The following DAGLA variants were observed in gnomAD, a reference collection of about 807,000 sequenced individuals.
DAGLA encodes the protein diacylglycerol lipase alpha.
A neutral mutation model predicts 102.6 loss-of-function variants in DAGLA; 22 were observed. The ratio of observed to expected loss-of-function variants is 0.21; its 90% CI spans 0.15 to 0.31. DAGLA has a LOEUF of 0.31. Ranked by LOEUF, DAGLA falls within the 10% of genes least tolerant of loss-of-function variation. The probability of loss-of-function intolerance (pLI) is 1.00; values close to 1 mark genes in which losing one functional copy is unlikely to be tolerated. For synonymous variants in DAGLA, 578 were observed against 628.9 expected (o/e 0.92, Z 1.21); for missense variants, 927 against 1,446.6 (o/e 0.64, Z 5.83).
intron 1 of DAGLA, among the ~76,000 whole-genome samples, chr11:61,685,552 TG>T (rs1443697261): frequency 5.3e-5 from 8 of 152,082 alleles, no homozygotes; most frequent in Non-Finnish European, 1.2e-4. Flanking sequence ...TGCTGTGAGT[TG>T]GGGGTTAGTG....
At chr11:61,692,948 TGTTAATA>T (rs1377858354) in intron 1 of DAGLA, among the ~76,000 whole-genome samples, 11 of 151,868 alleles carry the variant, frequency 7.2e-5, no homozygotes, top group African/African-American at 2.7e-4. Flanking sequence ...ACTAGAAGGA[TGTTAATA>T]GTTGATAGTT....
At chr11:61,689,665 C>T (rs528786239) in intron 1 of DAGLA, among the ~76,000 whole-genome samples, 8 of 152,144 alleles carry the variant, frequency 5.3e-5, no homozygotes, top group South Asian at 4.2e-4. Context: ...CCACCACGCC[C>T]GGCTAATTTT....
chr11:61,735,758 C>T lies in DAGLA; in HGVS notation c.1232C>T (p.Thr411Met), dbSNP rs563788842. The T allele has an allele frequency of 4.3e-6, 7 of 1,613,448 alleles. No homozygotes were observed. The highest frequency in any genetic ancestry group is 1.3e-5 in the African/African-American group (1 of 75,020). ...LSPKDALTDL[T>M]GDAERLPVEG... Reference sequence around the variant, plus strand: ...CCCAAGGATGCCCTGACTGACCTGACGGGTGATGCTGAGCGCCTCCCCGTG... The same window carrying T: ...CCCAAGGATGCCCTGACTGACCTGATGGGTGATGCTGAGCGCCTCCCCGTG... The change falls in exon 12 of 20, where the codon ACG becomes ATG. Residue 411 changes from threonine to methionine, a missense_variant. Thr to Met is a moderately conservative substitution (Grantham distance 81, BLOSUM62 -1). Transcript: ENST00000257215.
rs754859194 is a variant in DAGLA at position 61,735,789 on chromosome 11, G to A, written c.1263G>A (p.Gly421=). The stretch of plus-strand genomic sequence containing the variant: ...ATGCTGAGCGCCTCCCCGTGGAGGG[G>A]CACCACGGCACCTGGCTGGGCCACA... The part of the protein sequence containing the change: ...TGDAERLPVE[G]HHGTWLGHKG... The change falls in exon 12 of 20, where the codon GGG becomes GGA. Residue 421 remains glycine, a synonymous_variant. Transcript: ENST00000257215. 17 of 1,612,124 alleles carry A rather than the reference G, an allele frequency of 1.1e-5. No homozygotes were observed. The highest frequency in any genetic ancestry group is 1.4e-5 in the Non-Finnish European group (16 of 1,179,262).
chr11:61,731,202 A>G, intron 8 of DAGLA, 115 bp from the exon 9 acceptor site: 1 of 1,329,056 alleles, frequency 7.5e-7, no homozygotes. Context: ...GGGGACCAGC[A>G]ACCCCTCCCT....
chr11:61,697,429 C>T (rs1046260806), intron 1 of DAGLA, among the ~76,000 whole-genome samples: 3 of 152,144 alleles, frequency 2.0e-5, no homozygotes, highest in Non-Finnish European at 2.9e-5. Context: ...AATGGCCACA[C>T]GTGGCTGAGC....
intron 9 of DAGLA, among the ~76,000 whole-genome samples, chr11:61,733,390 C>A (rs557213158): frequency 1.3e-5 from 2 of 152,332 alleles, no homozygotes; most frequent in Admixed American, 1.3e-4. Context: ...TCGGCTTTGT[C>A]CCCCCAGCAA....
chr11:61,728,308 C>T, intron 7 of DAGLA, 21 bp downstream of exon 7: 2 of 1,605,294 alleles, frequency 1.2e-6, no homozygotes, highest in South Asian at 2.2e-5. Flanking sequence ...CCAGCCCCTT[C>T]TCCAGGTCAC....
intron 18 of DAGLA, 82 bp from the exon 19 acceptor site, chr11:61,741,080 C>G (rs2065474448): frequency 7.3e-7 from 1 of 1,373,094 alleles, no homozygotes; most frequent in African/African-American, 1.4e-5. Flanking sequence ...GCCTGAGAGG[C>G]CTGGGCCCTG....
intron 16 of DAGLA, among the ~76,000 whole-genome samples, chr11:61,738,696 C>T (rs1224578670): frequency 6.6e-6 from 1 of 151,966 alleles, no homozygotes; most frequent in East Asian, 1.9e-4. Context: ...CTTCCTAATC[C>T]GCATCAGGTC....
chr11:61,743,258 G>A (rs979690749), intron 19 of DAGLA, among the ~76,000 whole-genome samples: 5 of 151,768 alleles, frequency 3.3e-5, no homozygotes, highest in South Asian at 2.1e-4. Flanking sequence ...CCAGCTACTC[G>A]GGAGGCTGAG....
rs528461680 is a variant in DAGLA, at chr11:61,739,440, A to ATCTC, written c.1657-22_1657-19dup. 125 of 1,479,684 alleles carry ATCTC rather than the reference A, an allele frequency of 8.4e-5. No individual in the cohort carries two copies. In the African/African-American group the frequency reaches 1.7e-3, roughly 20 times the overall value. The allele number at this position is 1,479,684 out of a possible 1,614,324, so 91.7% of individuals were successfully genotyped here. The stretch of plus-strand genomic sequence containing the variant: ...GCCAGTGCTACTTAGCTCTGTCCCC[A>ATCTC]TCTCTCCCACTCCACCCCGCGCAGT... On this transcript the variant is annotated intron_variant, in intron 16 of 19. Transcript: ENST00000257215.
At chr11:61,702,031 T>A (rs58217294) in intron 1 of DAGLA, among the ~76,000 whole-genome samples, 17,155 of 152,128 alleles carry the variant, frequency 0.11, 1,332 homozygotes, top group East Asian at 0.27. Flanking sequence ...CTGCGTCAGC[T>A]GCCTGAGTAG....
chr11:61,694,778 A>G (rs987987621), intron 1 of DAGLA, among the ~76,000 whole-genome samples: 4 of 152,152 alleles, frequency 2.6e-5, no homozygotes, highest in Non-Finnish European at 4.4e-5. Flanking sequence ...CATGGGATTC[A>G]TGCGGTCACA....
chr11:61,726,480 A>G (rs866337719), intron 6 of DAGLA, among the ~76,000 whole-genome samples: 4 of 152,370 alleles, frequency 2.6e-5, no homozygotes, highest in Middle Eastern at 6.8e-3. Flanking sequence ...GGGGACACAT[A>G]GCCTTCAGCA....
At chr11:61,696,750 C>A (rs2065069808) in intron 1 of DAGLA, among the ~76,000 whole-genome samples, 1 of 152,132 alleles carries the variant, frequency 6.6e-6, no homozygotes, top group Admixed American at 6.5e-5. Flanking sequence ...GCCTCCTTGG[C>A]AGCGAGCAGG....
chr11:61,701,708 G>A (rs556107046), intron 1 of DAGLA, among the ~76,000 whole-genome samples: 1 of 152,326 alleles, frequency 6.6e-6, no homozygotes, highest in Admixed American at 6.5e-5. Flanking sequence ...CCGAAAACCT[G>A]CCCTTTACCG....
Position 61,741,322 on chromosome 11 carries a change from C to G in DAGLA, c.2144C>G (p.Thr715Ser). 1.9e-6 allele frequency: 3 copies of G among 1,609,548 alleles called. No homozygotes were observed. The highest frequency in any genetic ancestry group is 2.5e-6 in the Non-Finnish European group (3 of 1,179,878). Residue 715 changes from threonine to serine, a missense_variant, in exon 19 of 20, where the codon ACT (threonine) becomes AGT (serine). Physicochemically the swap from Thr to Ser is moderately conservative, Grantham distance 58. This residue lies in a region of DAGLA where 434 missense variants were observed against 503.3 expected (regional missense o/e 0.86). Transcript: ENST00000257215. The stretch of plus-strand genomic sequence containing the variant: ...ACTGGCCTTGCCCTGGAGCTGCCGA[C>G]TGCAGACCACCGCAACAGCAGCGTC... ...MPTGLALELPTADHRNSSVRS... is the reference protein window; with the variant it reads ...MPTGLALELPSADHRNSSVRS...
Position 61,746,695 on chromosome 11 carries a change from C to G in DAGLA, c.*2206C>G, listed in dbSNP as rs1385783796. The G allele has an allele frequency of 6.6e-6, 1 of 152,568 alleles. No homozygotes were observed. The highest frequency in any genetic ancestry group is 1.5e-5 in the Non-Finnish European group (1 of 68,052). 9.5% of individuals were successfully genotyped at this position (152,568 alleles called of 1,614,324 possible). ...GGGGTCTGAGCCACCCCCCTCAGCC[C>G]CGTTCGGCTCAGACCGACCCCCACT... On this transcript the variant is annotated 3_prime_UTR_variant, in exon 20 of 20. Coordinates refer to ENST00000257215, the MANE Select transcript of DAGLA (RefSeq NM_006133.3).
Sources: gnomAD v4.1 joint callset for allele counts (sites outside exome capture counted in the v4.1 genomes callset) on GRCh38, gnomAD v4.1.1 for gene constraint, gnomAD v4.1.1 regional missense constraint, MANE v1.5 for transcripts, NCBI Gene and HGNC (gene_info 2026-07-23, HGNC 2026-07-21) for gene names.